Variants in BAD observed in about 807,000 individuals in gnomAD.
The protein encoded by BAD is BCL2 associated agonist of cell death.
In BAD, 18 loss-of-function variants were observed where a neutral mutation model predicts 17.8. The observed-to-expected ratio is 1.01, with a 90% CI of 0.70 to 1.50. BAD has a LOEUF of 1.50. Ranked by LOEUF, BAD falls within the 40% of genes most tolerant of loss-of-function variation. The pLI is 0.00. For synonymous variants in BAD, 112 were observed against 91.5 expected, an observed-to-expected ratio of 1.22 and a Z score of -1.28; for missense variants, 294 against 239.3, an observed-to-expected ratio of 1.23 and a Z score of -1.51.
At chr11:64,280,390 C>T (rs1303247900) in intron 2 of BAD, among the ~76,000 whole-genome samples, 5 of 142,226 alleles carry the variant, frequency 3.5e-5, no homozygotes, top group African/African-American at 5.2e-5. Context: ...CTTGCTCTGT[C>T]GCCCAGGCTG....
chr11:64,284,660 G>A lies in BAD; in HGVS notation c.-38C>T, dbSNP rs1055115245. ...AGCCCGATCTCGAGGCCCCTGACCC[G>A]GGCCTGCCGCCTCCCTCCAGCACCC... is the stretch of plus-strand genomic sequence containing the variant. On this transcript the variant is annotated 5_prime_UTR_variant, in exon 1 of 4. Coordinates refer to ENST00000309032, the MANE Select transcript of BAD (RefSeq NM_032989.3). 21 of 1,534,552 alleles carry A rather than the reference G, an allele frequency of 1.4e-5. No individual in the cohort carries two copies. The highest frequency in any genetic ancestry group is 1.8e-5 in the Non-Finnish European group (21 of 1,146,146).
rs1491175311 is a variant in BAD at position 64,270,898 on chromosome 11, G to GACACAC, written c.379-562_379-561insGTGTGT. On this transcript the variant is annotated intron_variant, in intron 3 of 3. Transcript: ENST00000309032. The stretch of plus-strand genomic sequence containing the variant: ...GACTACAGATCCCAGCATGCCCTGT[G>GACACAC]AGACACACACACACACACACACACA... Among the ~76,000 whole-genome samples the GACACAC allele has an allele frequency of 5.9e-3, 516 of 86,892 alleles. 44 individuals carry two copies. The highest frequency in any genetic ancestry group is 0.027 in the East Asian group (75 of 2,740). The allele number at this position is 86,892 out of a possible 152,430, so 57.0% of individuals were successfully genotyped here.
chr11:64,274,737 C>A (rs879445222), intron 2 of BAD, among the ~76,000 whole-genome samples: 2 of 151,966 alleles, frequency 1.3e-5, no homozygotes, highest in African/African-American at 2.4e-5. Flanking sequence ...GGGAGAATCA[C>A]TTGAACCCAG....
In BAD at chr11:64,271,734, A is replaced by G. The variant is rs1325372380; in HGVS notation, c.257T>C (p.Met86Thr). ...YPAGTEDDEGMGEEPSPFRGR... is the reference protein window; with the variant it reads ...YPAGTEDDEGTGEEPSPFRGR... ...CCGAAAGGGGCTGGGCTCCTCCCCC[A>G]TCCCTTCGTCGTCCTCCGTCCCCGC... The change falls in exon 3 of 4, where the codon ATG (methionine) becomes ACG (threonine). Residue 86 changes from methionine (M) to threonine (T), a missense_variant. Met to Thr is a moderately conservative substitution (Grantham distance 81). Coordinates refer to ENST00000309032, the MANE Select transcript of BAD (RefSeq NM_032989.3). The G allele has an allele frequency of 6.9e-7, 1 of 1,442,194 alleles. No individual in the cohort carries two copies. The highest frequency in any genetic ancestry group is 9.1e-7 in the Non-Finnish European group (1 of 1,098,022). 89.3% of individuals were successfully genotyped at this position (1,442,194 alleles called of 1,614,324 possible).
At position 64,272,033 on chromosome 11, in the gene BAD, G is replaced by A. The variant is rs189169736; in HGVS notation, c.188-230C>T. 7.2e-5 allele frequency among the ~76,000 whole-genome samples: 11 copies of A among 152,316 alleles called. No individual in the cohort carries two copies. In the South Asian group the frequency reaches 2.3e-3, roughly 32 times the overall value. ...CTCATTAATCCCACGAATCCTTACC[G>A]AGTGCCAATAATGGGTGAGGCCCTG... On this transcript the variant is annotated intron_variant, in intron 2 of 3. Coordinates refer to ENST00000309032, the MANE Select transcript of BAD (RefSeq NM_032989.3).
chr11:64,280,017 CTAAAAT>C (rs1246958504), intron 2 of BAD, among the ~76,000 whole-genome samples: 1 of 151,754 alleles, frequency 6.6e-6, no homozygotes, highest in Non-Finnish European at 1.5e-5. Flanking sequence ...GACCTTGTCT[CTAAAAT>C]TAATAATAAT....
At position 64,281,703 on chromosome 11, in the gene BAD, C is replaced by G. The variant is rs879673973; in HGVS notation, c.187+2479G>C. Among the ~76,000 whole-genome samples, 59 of 152,328 alleles carry G rather than the reference C, an allele frequency of 3.9e-4. 1 individual carries two copies. The highest frequency in any genetic ancestry group is 3.2e-3 in the Admixed American group (49 of 15,294). ...CCACCTCTGCTACCATCACTCCCCC[C>G]GCCCCTGTGACTCCGGATTCTCTTA... On this transcript the variant is annotated intron_variant, in intron 2 of 3. Coordinates refer to ENST00000309032, the MANE Select transcript of BAD (RefSeq NM_032989.3).
chr11:64,282,885 A>C (rs1452811932), intron 2 of BAD, among the ~76,000 whole-genome samples: 2 of 149,122 alleles, frequency 1.3e-5, no homozygotes, highest in African/African-American at 2.5e-5. Context: ...TCTCAGGAAA[A>C]AAAAAAAAAA....
intron 2 of BAD, among the ~76,000 whole-genome samples, chr11:64,278,611 A>G (rs1192389736): frequency 6.6e-6 from 1 of 152,082 alleles, no homozygotes; most frequent in Non-Finnish European, 1.5e-5. Flanking sequence ...CTCAAGCTCA[A>G]CCTGCTAGGA....
intron 2 of BAD, among the ~76,000 whole-genome samples, chr11:64,273,782 T>C (rs1356505547): frequency 1.5e-5 from 2 of 130,712 alleles, no homozygotes; most frequent in African/African-American, 5.8e-5. Context: ...CTCGGGAGGC[T>C]GAAGCAGAAG....
chr11:64,270,719 C>A, intron 3 of BAD: 1 of 489,862 alleles, frequency 2.0e-6, no homozygotes, highest in Non-Finnish European at 4.0e-6. Context: ...CCTTTGAGGC[C>A]AGGAGTTCCA....
chr11:64,284,672 T>G, upstream of BAD: 2 of 1,534,808 alleles, frequency 1.3e-6, no homozygotes, highest in Non-Finnish European at 1.7e-6. Flanking sequence ...GCCTGCCGCC[T>G]CCCTCCAGCA....
intron 2 of BAD, among the ~76,000 whole-genome samples, chr11:64,282,703 C>T (rs1428569180): frequency 1.3e-5 from 2 of 151,578 alleles, no homozygotes; most frequent in East Asian, 1.9e-4. Flanking sequence ...CACGGTGAAA[C>T]CCCATCTCTA....
intron 2 of BAD, chr11:64,275,844 G>A (rs2033018167): frequency 6.6e-6 from 1 of 152,012 alleles, no homozygotes; most frequent in Non-Finnish European, 1.5e-5. Flanking sequence ...GGGCAGGTAT[G>A]GTGGATGGTC....
chr11:64,271,649 G>A lies in BAD; in HGVS notation c.342C>T (p.Leu114=). 1 of 1,507,516 alleles carries A rather than the reference G, an allele frequency of 6.6e-7. No individual in the cohort carries two copies. The highest frequency in any genetic ancestry group is 2.3e-5 in the Admixed American group (1 of 44,010). The allele number at this position is 1,507,516 out of a possible 1,614,324, so 93.4% of individuals were successfully genotyped here. ...CCACAAACTCGTCACTCATCCTCCG[G>A]AGCTCGCGGCCATAGCGCTGTGCTG... The part of the protein sequence containing the change: ...LWAAQRYGRE[L]RRMSDEFVDS... The change falls in exon 3 of 4, where the codon CTC becomes CTT. Residue 114 remains leucine (L), a synonymous_variant. Coordinates refer to ENST00000309032, the MANE Select transcript of BAD (RefSeq NM_032989.3).
At chr11:64,278,353 G>T (rs2033205688) in intron 2 of BAD, among the ~76,000 whole-genome samples, 1 of 149,594 alleles carries the variant, frequency 6.7e-6, no homozygotes, top group Non-Finnish European at 1.5e-5. Context: ...ACAGAGTGAG[G>T]CTCCATCTTG....
rs773042731 is a variant in BAD at position 64,270,038 on chromosome 11, G to C, written c.*171C>G. 9.5e-6 allele frequency: 12 copies of C among 1,257,116 alleles called. No individual in the cohort carries two copies. The highest frequency in any genetic ancestry group is 5.1e-5 in the East Asian group (2 of 39,378). The allele number at this position is 1,257,116 out of a possible 1,614,324, so 77.9% of individuals were successfully genotyped here. A position where few individuals can be genotyped will look rare whatever the true frequency, so the allele number is the denominator to read the frequency against. Reference sequence around the variant, plus strand: ...AACCCAAAACTTCCGATGGGACCAAGCCTTCCGTGGCTTCACACGCACCGG... The same window carrying C: ...AACCCAAAACTTCCGATGGGACCAACCCTTCCGTGGCTTCACACGCACCGG... On this transcript the variant is annotated 3_prime_UTR_variant, in exon 4 of 4. Coordinates refer to ENST00000309032, the MANE Select transcript of BAD (RefSeq NM_032989.3).
chr11:64,278,520 C>T (rs555001351), intron 2 of BAD, among the ~76,000 whole-genome samples: 13 of 152,188 alleles, frequency 8.5e-5, no homozygotes, highest in East Asian at 5.8e-4. Context: ...ATCAGGTCCT[C>T]GCCACAGCCC....
rs2032648275 is a variant in BAD, at chr11:64,271,823, A to AG, written c.188-21dup. 7.3e-7 allele frequency: 1 copy of AG among 1,373,384 alleles called. No homozygotes were observed. Among genetic ancestry groups the AG allele is most frequent in the Non-Finnish European group, 9.4e-7 (1 of 1,062,274 alleles). 85.1% of individuals were successfully genotyped at this position (1,373,384 alleles called of 1,614,324 possible). ...CAGCGCCTGCAGAGGGTCAGTGGGT[A>AG]GGGGGGCGACGTTAATCTCAGCTCC... On this transcript the variant is annotated intron_variant, in intron 2 of 3. Coordinates refer to ENST00000309032, the MANE Select transcript of BAD (RefSeq NM_032989.3).
Sources: gnomAD v4.1 joint callset for allele counts (sites outside exome capture counted in the v4.1 genomes callset) on GRCh38, gnomAD v4.1.1 for gene constraint, MANE v1.5 for transcripts, NCBI Gene and HGNC (gene_info 2026-07-23, HGNC 2026-07-21) for gene names.